ESPL1: variants seen among roughly 807,000 people sequenced by gnomAD.
ESPL1 encodes extra spindle pole bodies like 1, separase, also known as separin.
Under a neutral mutation model 217.2 loss-of-function variants are expected in ESPL1, and 50 were observed. The ratio of observed to expected loss-of-function variants is 0.23; its 90% confidence interval spans 0.18 to 0.29. The LOEUF is 0.29. ESPL1 is among the 10% of genes least tolerant of loss of function. The pLI is 1.00. For missense variants in ESPL1, 1,834 were observed against 2,603.0 expected (o/e 0.70, Z 6.43); for synonymous variants, 994 against 1,081.3 (o/e 0.92, Z 1.58).
In ESPL1 at chr12:53,290,914, C is replaced by G. The variant is rs764884773; in HGVS notation, c.5438C>G (p.Pro1813Arg). 1.0e-5 allele frequency: 16 copies of G among 1,607,100 alleles called. No individual in the cohort carries two copies. Among genetic ancestry groups the G allele is most frequent in the East Asian group, 2.2e-5 (1 of 44,716 alleles). The change falls in exon 25 of 31, where the codon CCC becomes CGC. Residue 1813 changes from proline (P) to arginine (R), a missense_variant. By Grantham distance (103) the Pro-to-Arg change is moderately radical (BLOSUM62 -2). This residue lies in a region of ESPL1 where 295 missense variants were observed against 519.8 expected (regional missense o/e 0.57). Coordinates refer to ENST00000257934, the MANE Select transcript of ESPL1 (RefSeq NM_012291.5). ...CTGCTGCTGCCGTCCAGTGAGGAGC[C>G]CGGCCCTGCCCAGGAGGCCTCCCGC... Reference protein sequence around the residue: ...KGLLLPSSEEPGPAQEASRLQ... With the variant: ...KGLLLPSSEERGPAQEASRLQ...
intron 7 of ESPL1, among the ~76,000 whole-genome samples, chr12:53,276,321 G>A (rs1182717090): frequency 6.6e-6 from 1 of 152,218 alleles, no homozygotes; most frequent in Admixed American, 6.5e-5. Flanking sequence ...CGGCATGCTG[G>A]GGGTAGTAGA....
At chr12:53,281,364 C>T in intron 12 of ESPL1, 143 bp from the exon 13 acceptor site, 2 of 689,108 alleles carry the variant, frequency 2.9e-6, no homozygotes, top group Non-Finnish European at 2.4e-6. Flanking sequence ...GTCTTGAACT[C>T]CTGACCTCAG....
Position 53,293,398 on chromosome 12 carries a change from C to T in ESPL1, c.6287C>T (p.Ala2096Val). Residue 2096 changes from alanine to valine, a missense_variant, in exon 31 of 31, where the codon GCC becomes GTC. By Grantham distance (64) the Ala-to-Val change is moderately conservative. Coordinates refer to ENST00000257934, the MANE Select transcript of ESPL1 (RefSeq NM_012291.5). The surrounding 1 kb of genome is among the most constrained non-coding windows in gnomAD (Gnocchi z 4.2). ...CCCCTTCTCTACTATGTAAACCAGG[C>T]CCGCCAAGCTCCCCGACTCAAGTAT... is the stretch of plus-strand genomic sequence containing the variant. ...GAPLLYYVNQ[A>V]RQAPRLKYLI... 1 of 1,614,150 alleles carries T rather than the reference C, an allele frequency of 6.2e-7. No homozygotes were observed. The highest frequency in any genetic ancestry group is 8.5e-7 in the Non-Finnish European group (1 of 1,180,000).
chr12:53,293,236 A>G lies in ESPL1; in HGVS notation c.6162-37A>G, dbSNP rs1272609796. 6.5e-6 allele frequency: 10 copies of G among 1,544,696 alleles called. No individual in the cohort carries two copies. Among genetic ancestry groups the G allele is most frequent in the Non-Finnish European group, 9.0e-6 (10 of 1,117,148 alleles). The stretch of plus-strand genomic sequence containing the variant: ...TGTTTTCCTATGTATTCTGTTTTAG[A>G]GCCCTTACTTTGTATTTCCTCCTTT... On this transcript the variant is annotated intron_variant, in intron 30 of 30. Transcript: ENST00000257934. This position sits in a 1 kb window ranked among gnomAD's most constrained non-coding sequence, Gnocchi z 4.2.
In ESPL1 at chr12:53,269,039, C is replaced by A; in HGVS notation, c.97C>A (p.Pro33Thr). ...CTACTCCTAGGAGTTCCTGTCCAACCCTCCAGCTGGTTTTCCCAGCAGCCG... is the reference window on the plus strand; with the variant it reads ...CTACTCCTAGGAGTTCCTGTCCAACACTCCAGCTGGTTTTCCCAGCAGCCG... Reference protein sequence around the residue: ...LPALKEFLSNPPAGFPSSRSD... With the variant: ...LPALKEFLSNTPAGFPSSRSD... The change falls in exon 3 of 31, where the codon CCT becomes ACT. Residue 33 changes from proline to threonine, a missense_variant. Physicochemically the swap from Pro to Thr is conservative, Grantham distance 38. Transcript: ENST00000257934. The surrounding 1 kb of genome is among the most constrained non-coding windows in gnomAD (Gnocchi z 6.7). The A allele has an allele frequency of 6.2e-7, 1 of 1,611,696 alleles. No individual in the cohort carries two copies. The highest frequency in any genetic ancestry group is 1.3e-5 in the African/African-American group (1 of 75,028).
chr12:53,285,022 A>AG (rs1943922451), intron 17 of ESPL1, among the ~76,000 whole-genome samples: 2 of 137,440 alleles, frequency 1.5e-5, no homozygotes, highest in South Asian at 2.4e-4. Context: ...AAAAAAAAAA[A>AG]AAAAAGAAGA....
chr12:53,273,004 C>T (rs1042468134), intron 6 of ESPL1, 147 bp downstream of exon 6: 1 of 720,542 alleles, frequency 1.4e-6, no homozygotes, highest in Non-Finnish European at 2.2e-6. Flanking sequence ...TTTCCCAAAC[C>T]TCACTGTACT....
At chr12:53,285,833 A>G (rs1363573383) in intron 17 of ESPL1, 91 bp from the exon 18 acceptor site, 3 of 952,070 alleles carry the variant, frequency 3.2e-6, no homozygotes, top group Admixed American at 2.4e-5. Context: ...TATAAAACAC[A>G]TATATTAGAG....
At position 53,282,442 on chromosome 12, in the gene ESPL1, G is replaced by T; in HGVS notation, c.2791+7G>T. On this transcript the variant is annotated splice_region_variant and intron_variant, in intron 14 of 30. Coordinates refer to ENST00000257934, the MANE Select transcript of ESPL1 (RefSeq NM_012291.5). The surrounding 1 kb of genome is among the most constrained non-coding windows in gnomAD (Gnocchi z 4.0). ...GAGCAGCTCTGTGCCCAAGGTGAAA[G>T]AATAGGGTGGATGGCCCCCCTTGGA... The T allele has an allele frequency of 6.2e-7, 1 of 1,613,616 alleles. No homozygotes were observed. Among genetic ancestry groups the T allele is most frequent in the Middle Eastern group, 1.6e-4 (1 of 6,062 alleles).
At chr12:53,270,247 C>T (rs1248671868) in intron 3 of ESPL1, 131 bp from the exon 4 acceptor site, 2 of 927,194 alleles carry the variant, frequency 2.2e-6, no homozygotes, top group South Asian at 1.4e-5. Flanking sequence ...CCTGAGAGGG[C>T]AGTGGCCCTT....
At position 53,288,277 on chromosome 12, in the gene ESPL1, T is replaced by C; in HGVS notation, c.4482T>C (p.Thr1494=). Reference sequence around the variant, plus strand: ...GGACCATCCCTGAGGAAGAACTGACTGACAACTGGAGAAAAATGAGCTTTG... The same window carrying C: ...GGACCATCCCTGAGGAAGAACTGACCGACAACTGGAGAAAAATGAGCTTTG... ...IMRTIPEEEL[T]DNWRKMSFEI... Residue 1494 remains threonine, a synonymous_variant, in exon 19 of 31, where the codon ACT becomes ACC. Coordinates refer to ENST00000257934, the MANE Select transcript of ESPL1 (RefSeq NM_012291.5). 6.2e-7 allele frequency: 1 copy of C among 1,606,280 alleles called. No homozygotes were observed. Among genetic ancestry groups the C allele is most frequent in the Non-Finnish European group, 8.5e-7 (1 of 1,177,006 alleles).
chr12:53,292,133 A>T lies in ESPL1; in HGVS notation c.5796+45A>T, dbSNP rs767587966. On this transcript the variant is annotated intron_variant, in intron 27 of 30. Coordinates refer to ENST00000257934, the MANE Select transcript of ESPL1 (RefSeq NM_012291.5). The surrounding 1 kb of genome is among the most constrained non-coding windows in gnomAD (Gnocchi z 4.5). ...GTCTGGGGATGACTGGCGACTGGGGAAGACGTCAACAAAGAAGGGCAGAGA... is the reference window on the plus strand; with the variant it reads ...GTCTGGGGATGACTGGCGACTGGGGTAGACGTCAACAAAGAAGGGCAGAGA... 7.2e-6 allele frequency: 11 copies of T among 1,522,346 alleles called. No homozygotes were observed. In the South Asian group the frequency reaches 1.1e-4, roughly 15 times the overall value. The allele number at this position is 1,522,346 out of a possible 1,614,324, so 94.3% of individuals were successfully genotyped here.
rs754229360 is a variant in ESPL1, at chr12:53,269,605, T to A, written c.663T>A (p.Asp221Glu). 2 of 1,614,236 alleles carry A rather than the reference T, an allele frequency of 1.2e-6. No individual in the cohort carries two copies. Among genetic ancestry groups the A allele is most frequent in the Admixed American group, 3.3e-5 (2 of 60,028 alleles). ...GLNEADADFL[D>E]DLLSRHVIRA... The stretch of plus-strand genomic sequence containing the variant: ...ATGAAGCAGATGCTGATTTCCTAGA[T>A]GACCTGCTCTCCAGGCACGTGATCA... The change falls in exon 3 of 31, where the codon GAT (aspartate) becomes GAA (glutamate). Residue 221 changes from aspartate (D) to glutamate (E), a missense_variant. By Grantham distance (45) the Asp-to-Glu change is conservative. Coordinates refer to ENST00000257934, the MANE Select transcript of ESPL1 (RefSeq NM_012291.5). The surrounding 1 kb of genome is among the most constrained non-coding windows in gnomAD (Gnocchi z 6.7).
Position 53,274,977 on chromosome 12 carries a change from C to A in ESPL1, c.1667C>A (p.Ala556Glu). The A allele has an allele frequency of 2.6e-6, 4 of 1,564,878 alleles. No individual in the cohort carries two copies. The highest frequency in any genetic ancestry group is 3.5e-6 in the Non-Finnish European group (4 of 1,156,644). The change falls in exon 7 of 31, where the codon GCG (alanine) becomes GAG (glutamate). Residue 556 changes from alanine (A) to glutamate (E), a missense_variant. Physicochemically the swap from Ala to Glu is moderately radical, Grantham distance 107 (BLOSUM62 -1). Transcript: ENST00000257934. The stretch of plus-strand genomic sequence containing the variant: ...TTCTGGGTTCGGGTCAAGATGGATG[C>A]GGCCAGGGCTGGAGACAAGGAGCTA... ...VTFWVRVKMD[A>E]ARAGDKELQL...
At chr12:53,274,518 C>T in intron 6 of ESPL1, 1 of 270,682 alleles carries the variant, frequency 3.7e-6, no homozygotes, top group South Asian at 4.3e-5. Flanking sequence ...AGAGATGGCC[C>T]CACATTTCTT....
Position 53,285,931 on chromosome 12 carries a change from T to C in ESPL1, c.3195T>C (p.Gly1065=), listed in dbSNP as rs1369221082. The part of the protein sequence containing the change: ...LFLLESCTEF[G]GVTQHLDSVK... ...GTTCTGCCTTCTCCCCAGAGTTTGG[T>C]GGGGTGACTCAGCACCTGGACTCTG... Residue 1065 remains glycine (G), a synonymous_variant, in exon 18 of 31, where the codon GGT becomes GGC. Coordinates refer to ENST00000257934, the MANE Select transcript of ESPL1 (RefSeq NM_012291.5). The C allele has an allele frequency of 6.6e-7, 1 of 1,519,340 alleles. No homozygotes were observed. The highest frequency in any genetic ancestry group is 1.4e-5 in the African/African-American group (1 of 71,978). The allele number at this position is 1,519,340 out of a possible 1,614,324, so 94.1% of individuals were successfully genotyped here.
rs746971297 is a variant in ESPL1 at position 53,293,479 on chromosome 12, A to G, written c.*5A>G. ...TTGCCTGTCTCTCTGCGGTAACCCC[A>G]TGGAGCTGTCTTATTGATGCTAGAA... On this transcript the variant is annotated 3_prime_UTR_variant, in exon 31 of 31. Coordinates refer to ENST00000257934, the MANE Select transcript of ESPL1 (RefSeq NM_012291.5). The surrounding 1 kb of genome is among the most constrained non-coding windows in gnomAD (Gnocchi z 4.2). The G allele has an allele frequency of 1.9e-6, 3 of 1,609,754 alleles. No individual in the cohort carries two copies. Among genetic ancestry groups the G allele is most frequent in the East Asian group, 4.5e-5 (2 of 44,852 alleles).
rs200962229 is a variant in ESPL1 at position 53,284,085 on chromosome 12, C to T, written c.3105C>T (p.Gly1035=). The change falls in exon 17 of 31, where the codon GGC becomes GGT. Residue 1035 remains glycine (G), a synonymous_variant. Transcript: ENST00000257934. The part of the protein sequence containing the change: ...RQCALFLVLK[G]ELELARNDID... ...GTGCCCTGTTCCTGGTGCTGAAGGGCGAGCTGGAGCTGGCCCGCAATGACA... is the reference window on the plus strand; with the variant it reads ...GTGCCCTGTTCCTGGTGCTGAAGGGTGAGCTGGAGCTGGCCCGCAATGACA... The T allele has an allele frequency of 2.9e-5, 47 of 1,613,790 alleles. No homozygotes were observed. In the East Asian group the frequency reaches 5.8e-4, roughly 20 times the overall value.
At chr12:53,276,935 C>G in intron 8 of ESPL1, 76 bp downstream of exon 8, 2 of 1,572,592 alleles carry the variant, frequency 1.3e-6, no homozygotes, top group Non-Finnish European at 1.7e-6. Context: ...ACCAGTTTCC[C>G]TCTCCACAGC....
Sources: gnomAD v4.1 joint callset for allele counts (sites outside exome capture counted in the v4.1 genomes callset) on GRCh38, gnomAD v4.1.1 for gene constraint, gnomAD v4.1.1 regional missense constraint, Gnocchi (gnomAD v3.1) non-coding constraint, MANE v1.5 for transcripts, NCBI Gene and HGNC (gene_info 2026-07-23, HGNC 2026-07-21) for gene names.